Variants in ST18 observed in about 807,000 individuals in gnomAD.
ST18 encodes ST18 C2H2C-type zinc finger transcription factor.
In ST18, 50 loss-of-function variants were observed where a neutral mutation model predicts 110.0. That is an observed-to-expected ratio of 0.45 (90% CI 0.36 to 0.58). ST18 has a LOEUF of 0.58. Ranked by LOEUF, ST18 falls within the 20% of genes least tolerant of loss-of-function variation. ST18 has a pLI of 0.00. For synonymous variants in ST18, 461 were observed against 452.4 expected (o/e 1.02, Z -0.24); for missense variants, 1,306 against 1,280.1 (o/e 1.02, Z -0.31).
At chr8:52,201,270 G>A (rs2077860892) in intron 8 of ST18, 1 of 152,260 alleles carries the variant, frequency 6.6e-6, no homozygotes, top group Admixed American at 6.5e-5. Context: ...GTAGGCTCTG[G>A]GTCAGCTTCC....
At chr8:52,251,084 A>G (rs2138298820) in intron 2 of ST18, among the ~76,000 whole-genome samples, 1 of 152,302 alleles carries the variant, frequency 6.6e-6, no homozygotes, top group African/African-American at 2.4e-5. Context: ...GGAGAAGACT[A>G]CTTCCTGGAC....
At chr8:52,206,439 T>C (rs16917472) in intron 8 of ST18, 2 of 152,224 alleles carry the variant, frequency 1.3e-5, no homozygotes, top group Non-Finnish European at 2.9e-5. Flanking sequence ...TTTAAGACAC[T>C]TTTCTGCCCT....
chr8:52,245,153 C>T (rs895464790), intron 2 of ST18, among the ~76,000 whole-genome samples: 7 of 152,132 alleles, frequency 4.6e-5, no homozygotes, highest in African/African-American at 1.7e-4. Flanking sequence ...TACCTTCATT[C>T]TAATTCATAC....
intron 2 of ST18, among the ~76,000 whole-genome samples, chr8:52,295,302 AACTAAG>A (rs2095615191): frequency 6.6e-6 from 1 of 152,196 alleles, no homozygotes; most frequent in South Asian, 2.1e-4. Context: ...TTTATTATTG[AACTAAG>A]ACTATCTATC....
chr8:52,281,609 C>T (rs1037562921), intron 2 of ST18, among the ~76,000 whole-genome samples: 1 of 152,090 alleles, frequency 6.6e-6, no homozygotes, highest in African/African-American at 2.4e-5. Flanking sequence ...AATGGTATCA[C>T]AGATTAAATT....
At chr8:52,139,991 A>G (rs1257532619) in intron 17 of ST18, among the ~76,000 whole-genome samples, 3 of 152,218 alleles carry the variant, frequency 2.0e-5, no homozygotes, top group African/African-American at 7.2e-5. Context: ...GAAGAAAGAA[A>G]CTAGCTAGTT....
chr8:52,393,331 G>A (rs1455864021), intron 2 of ST18, among the ~76,000 whole-genome samples: 2 of 152,208 alleles, frequency 1.3e-5, no homozygotes, highest in East Asian at 3.9e-4. Flanking sequence ...GTTCACAACA[G>A]GCGAGAGAAA....
intron 2 of ST18, among the ~76,000 whole-genome samples, chr8:52,368,598 TG>T (rs1829070262): frequency 6.6e-6 from 1 of 152,218 alleles, no homozygotes. Flanking sequence ...GAAGAGTTGT[TG>T]GTCAGTGGGG....
chr8:52,384,445 C>T (rs1487540077), intron 2 of ST18, among the ~76,000 whole-genome samples: 1 of 152,142 alleles, frequency 6.6e-6, no homozygotes, highest in African/African-American at 2.4e-5. Context: ...CCCCACTTCA[C>T]TCATCCTCTC....
intron 2 of ST18, among the ~76,000 whole-genome samples, chr8:52,357,676 A>ATATAT (rs1823427401): frequency 2.6e-4 from 10 of 38,452 alleles, no homozygotes; most frequent in African/African-American, 9.3e-4. Context: ...AAAATCTATA[A>ATATAT]ATATATATAT....
intron 2 of ST18, among the ~76,000 whole-genome samples, chr8:52,350,674 T>C (rs6473712): frequency 0.98 from 149,789 of 152,242 alleles, 73,735 homozygotes; most frequent in Middle Eastern, 1. Flanking sequence ...CATCCTTCTA[T>C]GCCATTTTCA....
At chr8:52,156,800 A>G (rs1044701491) in intron 15 of ST18, among the ~76,000 whole-genome samples, 1 of 152,192 alleles carries the variant, frequency 6.6e-6, no homozygotes, top group Admixed American at 6.5e-5. Flanking sequence ...GCACAAAGTG[A>G]CAATCTAGGG....
chr8:52,122,618 G>A (rs1331093680), intron 23 of ST18, among the ~76,000 whole-genome samples: 1 of 151,960 alleles, frequency 6.6e-6, no homozygotes, highest in East Asian at 1.9e-4. Flanking sequence ...GAGTAGCTGG[G>A]ATTACAGGAG....
intron 2 of ST18, among the ~76,000 whole-genome samples, chr8:52,265,283 A>C (rs73681263): frequency 0.056 from 8,602 of 152,284 alleles, 825 homozygotes; most frequent in African/African-American, 0.2. Flanking sequence ...AGAAGAGGAG[A>C]TGAGGTCAGA....
At chr8:52,122,292 A>G (rs2045233246) in intron 23 of ST18, among the ~76,000 whole-genome samples, 1 of 152,088 alleles carries the variant, frequency 6.6e-6, no homozygotes, top group Non-Finnish European at 1.5e-5. Context: ...TTTGGGGATT[A>G]TATATTATAT....
chr8:52,157,602 A>G (rs947590903), intron 15 of ST18, among the ~76,000 whole-genome samples: 4 of 152,216 alleles, frequency 2.6e-5, no homozygotes, highest in African/African-American at 9.6e-5. Flanking sequence ...GAATCTTTTG[A>G]ATTTGGATCG....
chr8:52,367,531 T>C (rs1828591547), intron 2 of ST18, among the ~76,000 whole-genome samples: 4 of 152,344 alleles, frequency 2.6e-5, no homozygotes, highest in Admixed American at 2.0e-4. Flanking sequence ...AGGTCATTGA[T>C]GTATGTTGCA....
intron 2 of ST18, among the ~76,000 whole-genome samples, chr8:52,328,913 C>G (rs1257450981): frequency 1.3e-5 from 2 of 152,130 alleles, no homozygotes; most frequent in African/African-American, 4.8e-5. Flanking sequence ...GGCTCTCCCC[C>G]AGCCCTCAAA....
intron 2 of ST18, among the ~76,000 whole-genome samples, chr8:52,259,706 T>C (rs1589392102): frequency 6.6e-6 from 1 of 152,286 alleles, no homozygotes; most frequent in South Asian, 2.1e-4. Flanking sequence ...GCAGAGGCAC[T>C]CTTCCAACTA....
Sources: allele counts gnomAD v4.1 joint callset (sites outside exome capture counted in the v4.1 genomes callset), GRCh38; gene constraint gnomAD v4.1.1; transcripts MANE v1.5; gene names NCBI Gene and HGNC (gene_info 2026-07-23, HGNC 2026-07-21).